Variants in SERPINI2 observed in about 807,000 individuals in gnomAD.
SERPINI2 encodes serpin family I member 2, also known as serpin I2.
In SERPINI2, 48 loss-of-function variants were observed where a neutral mutation model predicts 47.3. The observed-to-expected ratio is 1.02, with a 90% CI of 0.81 to 1.29. The LOEUF (loss-of-function observed/expected upper bound fraction) is 1.29. Ranked by LOEUF, SERPINI2 falls within the 50% of genes most tolerant of loss-of-function variation. The pLI is 0.00. For missense variants in SERPINI2, 448 were observed against 456.9 expected, an observed-to-expected ratio of 0.98 and a Z score of 0.18; for synonymous variants, 135 against 149.3, an observed-to-expected ratio of 0.90 and a Z score of 0.70.
At chr3:167,450,239 A>C (rs1009621831) in intron 6 of SERPINI2, among the ~76,000 whole-genome samples, 2 of 152,226 alleles carry the variant, frequency 1.3e-5, no homozygotes, top group African/African-American at 4.8e-5. Context: ...GATACACTTT[A>C]AAACCTGTTA....
At chr3:167,448,484 A>C (rs921003822) in intron 7 of SERPINI2, among the ~76,000 whole-genome samples, 1 of 152,136 alleles carries the variant, frequency 6.6e-6, no homozygotes, top group East Asian at 1.9e-4. Flanking sequence ...TGATATAATT[A>C]TTTTGGGGTG....
At chr3:167,465,158 A>G in intron 5 of SERPINI2, 48 bp downstream of exon 5, 5 of 1,480,372 alleles carry the variant, frequency 3.4e-6, no homozygotes, top group Non-Finnish European at 4.6e-6. Flanking sequence ...TCAAATTCCT[A>G]TGTGAGTGGA....
intron 8 of SERPINI2, among the ~76,000 whole-genome samples, chr3:167,443,391 G>A (rs1237467901): frequency 6.6e-6 from 1 of 152,206 alleles, no homozygotes; most frequent in East Asian, 1.9e-4. Flanking sequence ...ACAGGCGTGA[G>A]CCACCGCGCC....
chr3:167,467,387 G>T, intron 2 of SERPINI2, 102 bp from the exon 3 acceptor site: 2 of 725,154 alleles, frequency 2.8e-6, no homozygotes, highest in Non-Finnish European at 2.2e-6. Flanking sequence ...ACCGTTTTTT[G>T]CACCCTTAGG....
intron 6 of SERPINI2, among the ~76,000 whole-genome samples, chr3:167,449,974 T>C (rs1485096816): frequency 6.6e-6 from 1 of 152,208 alleles, no homozygotes; most frequent in Non-Finnish European, 1.5e-5. Flanking sequence ...TCAAATCAGG[T>C]ATCCAACTAA....
intron 8 of SERPINI2, among the ~76,000 whole-genome samples, chr3:167,442,934 C>A (rs903818167): frequency 6.6e-6 from 1 of 152,070 alleles, no homozygotes; most frequent in Non-Finnish European, 1.5e-5. Flanking sequence ...TCAAAGGCGA[C>A]AAATTTTGCA....
Position 167,454,986 on chromosome 3 carries a change from G to T in SERPINI2, c.867-1953C>A, listed in dbSNP as rs562867915. Among the ~76,000 whole-genome samples, 44 of 152,248 alleles carry T rather than the reference G, an allele frequency of 2.9e-4. 1 individual carries two copies. In the South Asian group the frequency reaches 9.1e-3, roughly 32 times the overall value. ...TTCCAGAGGTATGATTTAAACTCAGGTCTATTTGAAGTCAAAGCTAATGTG... is the reference window on the plus strand; with the variant it reads ...TTCCAGAGGTATGATTTAAACTCAGTTCTATTTGAAGTCAAAGCTAATGTG... On this transcript the variant is annotated intron_variant, in intron 5 of 8. Transcript: ENST00000264677.
chr3:167,464,018 T>TC (rs1423347311), intron 5 of SERPINI2, among the ~76,000 whole-genome samples: 2 of 147,604 alleles, frequency 1.4e-5, no homozygotes, highest in East Asian at 4.0e-4. Context: ...GCTTTTTTTT[T>TC]TTTTTTTTTT....
At chr3:167,449,942 T>C (rs1749597979) in intron 6 of SERPINI2, among the ~76,000 whole-genome samples, 1 of 152,214 alleles carries the variant, frequency 6.6e-6, no homozygotes, top group Non-Finnish European at 1.5e-5. Flanking sequence ...TTCTGTGATA[T>C]AAAAGGTAAA....
Position 167,473,718 on chromosome 3 carries a change from GT to G in SERPINI2, c.-11+284del. 6 of 1,402,246 alleles carry G rather than the reference GT, an allele frequency of 4.3e-6. 1 individual carries two copies. Among genetic ancestry groups the G allele is most frequent in the Middle Eastern group, 1.9e-4 (1 of 5,338 alleles). 86.9% of individuals were successfully genotyped at this position (1,402,246 alleles called of 1,614,324 possible). A position where few individuals can be genotyped will look rare whatever the true frequency, so the allele number is the denominator to read the frequency against. On this transcript the variant is annotated intron_variant, in intron 1 of 8. Transcript: ENST00000264677. ...AAATTATAACCTCAGACAAATATTG[GT>G]TTTAAAAACTCACTTACCTCATCAG...
At chr3:167,459,078 G>GTTTGTTTTTTTTTTTTT (rs1560233541) in intron 5 of SERPINI2, among the ~76,000 whole-genome samples, 14 of 139,024 alleles carry the variant, frequency 1.0e-4, no homozygotes, top group African/African-American at 3.5e-4. Flanking sequence ...GTTTTTTTTT[G>GTTTGTTTTTTTTTTTTT]TTTTTTTTTT....
intron 8 of SERPINI2, among the ~76,000 whole-genome samples, chr3:167,446,051 T>C (rs1749469701): frequency 6.6e-6 from 1 of 152,216 alleles, no homozygotes; most frequent in Admixed American, 6.5e-5. Context: ...ATTCCCACTC[T>C]GACACTTTCT....
At chr3:167,462,104 C>T (rs754142815) in intron 5 of SERPINI2, among the ~76,000 whole-genome samples, 6 of 152,108 alleles carry the variant, frequency 3.9e-5, no homozygotes, top group South Asian at 2.1e-4. Flanking sequence ...AGTATAACAA[C>T]GGACAGAAGG....
upstream of SERPINI2, among the ~76,000 whole-genome samples, chr3:167,476,041 A>G (rs546269225): frequency 7.4e-5 from 11 of 147,960 alleles, no homozygotes; most frequent in South Asian, 2.3e-3. Context: ...TTGAGTGATA[A>G]TAGGAAAATG....
chr3:167,464,160 C>T (rs893335683), intron 5 of SERPINI2, among the ~76,000 whole-genome samples: 5 of 151,756 alleles, frequency 3.3e-5, no homozygotes, highest in African/African-American at 9.7e-5. Context: ...ATTACAGGCA[C>T]CTGCCACCAT....
At position 167,467,056 on chromosome 3, in the gene SERPINI2, ATC is replaced by A; in HGVS notation, c.475_476del (p.Asp159TrpfsTer4). On this transcript the variant is annotated frameshift_variant and splice_region_variant, in exon 3 of 9. Transcript: ENST00000264677. LOFTEE classifies it high-confidence loss of function. ...TTTTATGAAAATGGGAAACTTTACC[ATC>A]TGTTTTTCTTTCTACCCAGGTACTT... 3 of 1,590,966 alleles carry A rather than the reference ATC, an allele frequency of 1.9e-6. No individual in the cohort carries two copies. In the East Asian group the frequency reaches 6.7e-5, roughly 36 times the overall value.
intron 8 of SERPINI2, among the ~76,000 whole-genome samples, chr3:167,445,906 C>G (rs531534503): frequency 2.0e-5 from 3 of 152,230 alleles, no homozygotes; most frequent in African/African-American, 7.2e-5. Context: ...TTGAAATTAC[C>G]TTTGACTCCT....
Position 167,465,687 on chromosome 3 carries a change from G to A in SERPINI2, c.479-14C>T, listed in dbSNP as rs910621960. Reference sequence around the variant, plus strand: ...CTTTAATTTTTCCTAGGAAGTGGGTGGAGGAGGAGGTAAGAAGAAATGTGC... The same window carrying A: ...CTTTAATTTTTCCTAGGAAGTGGGTAGAGGAGGAGGTAAGAAGAAATGTGC... On this transcript the variant is annotated splice_polypyrimidine_tract_variant and intron_variant, in intron 3 of 8. Coordinates refer to ENST00000264677, the Ensembl canonical transcript of SERPINI2. 1 of 1,594,854 alleles carries A rather than the reference G, an allele frequency of 6.3e-7. No individual in the cohort carries two copies. Among genetic ancestry groups the A allele is most frequent in the Non-Finnish European group, 8.5e-7 (1 of 1,173,116 alleles).
chr3:167,454,708 A>G lies in SERPINI2; in HGVS notation c.867-1675T>C, dbSNP rs1314061921. 7.2e-5 allele frequency among the ~76,000 whole-genome samples: 11 copies of G among 152,200 alleles called. No homozygotes were observed. In the East Asian group the frequency reaches 7.7e-4, roughly 11 times the overall value. Reference sequence around the variant, plus strand: ...ACAGTCCTGCTCATAATATAGTCCAATGAAACCTACAGCAATAAAAACACA... The same window carrying G: ...ACAGTCCTGCTCATAATATAGTCCAGTGAAACCTACAGCAATAAAAACACA... On this transcript the variant is annotated intron_variant, in intron 5 of 8. Transcript: ENST00000264677.
Sources: allele counts gnomAD v4.1 joint callset (sites outside exome capture counted in the v4.1 genomes callset), GRCh38; gene constraint gnomAD v4.1.1; transcripts MANE v1.5; gene names NCBI Gene and HGNC (gene_info 2026-07-23, HGNC 2026-07-21).